The following PRPSAP1 variants were observed in gnomAD, a reference collection of about 807,000 sequenced individuals.
PRPSAP1 encodes phosphoribosyl pyrophosphate synthase-associated protein 1.
In PRPSAP1, 31 loss-of-function variants were observed where a neutral mutation model predicts 39.4. That is an observed-to-expected ratio of 0.79 (90% confidence interval 0.59 to 1.06). PRPSAP1 has a LOEUF of 1.06. PRPSAP1 is among the 50% of genes least tolerant of loss of function. The pLI is 0.00. For synonymous variants in PRPSAP1, 212 were observed against 192.6 expected (o/e 1.10, Z -0.83); for missense variants, 430 against 511.6 (o/e 0.84, Z 1.54).
chr17:76,350,883 T>C (rs1251466883), intron 1 of PRPSAP1, among the ~76,000 whole-genome samples: 1 of 151,176 alleles, frequency 6.6e-6, no homozygotes, highest in African/African-American at 2.4e-5. Flanking sequence ...AAACACAAAA[T>C]TAGCGGGGTG....
At chr17:76,313,991 T>TACAG in intron 7 of PRPSAP1, 100 bp from the exon 8 acceptor site, 1 of 1,272,506 alleles carries the variant, frequency 7.9e-7, no homozygotes, top group East Asian at 2.5e-5. Context: ...AAAACCACTA[T>TACAG]ACAGACAAAA....
At chr17:76,334,520 C>T (rs2071358688) in intron 3 of PRPSAP1, among the ~76,000 whole-genome samples, 1 of 152,146 alleles carries the variant, frequency 6.6e-6, no homozygotes, top group South Asian at 2.1e-4. Context: ...CAAAGACATC[C>T]TTTTATTCTG....
At chr17:76,349,037 G>A (rs563163412) in intron 1 of PRPSAP1, among the ~76,000 whole-genome samples, 11 of 152,218 alleles carry the variant, frequency 7.2e-5, no homozygotes, top group Admixed American at 2.6e-4. Flanking sequence ...TTGGCCAGGC[G>A]TGGTGGCTGA....
chr17:76,340,657 G>A (rs1243254234), intron 3 of PRPSAP1, among the ~76,000 whole-genome samples: 9 of 152,042 alleles, frequency 5.9e-5, no homozygotes, highest in East Asian at 1.9e-4. Flanking sequence ...TTGGGAGGCC[G>A]AGGCGGGCAG....
chr17:76,338,684 C>T (rs1225904537), intron 3 of PRPSAP1, among the ~76,000 whole-genome samples: 1 of 151,886 alleles, frequency 6.6e-6, no homozygotes, highest in Admixed American at 6.6e-5. Flanking sequence ...ACCTGGGCAA[C>T]ACAGCAAGAC....
rs2071057563 is a variant in PRPSAP1 at position 76,310,331 on chromosome 17, G to A, written c.*1211C>T. 6.6e-6 allele frequency: 1 copy of A among 150,830 alleles called. No homozygotes were observed. The highest frequency in any genetic ancestry group is 2.1e-4 in the South Asian group (1 of 4,780). The allele number at this position is 150,830 out of a possible 1,614,324, so 9.3% of individuals were successfully genotyped here. On this transcript the variant is annotated 3_prime_UTR_variant, in exon 10 of 10. Coordinates refer to ENST00000446526, the MANE Select transcript of PRPSAP1 (RefSeq NM_002766.3). ...TCTTTTTATGCTTTTAACTTAGCTA[G>A]GCTAATTTTTGTATTTTTAGTAGAG...
chr17:76,348,802 C>G (rs1370120061), intron 1 of PRPSAP1, among the ~76,000 whole-genome samples: 1 of 152,198 alleles, frequency 6.6e-6, no homozygotes, highest in Non-Finnish European at 1.5e-5. Flanking sequence ...GAGCTCACAA[C>G]CCATGGTTAA....
chr17:76,344,010 G>A (rs908126034), intron 3 of PRPSAP1, among the ~76,000 whole-genome samples: 1 of 152,088 alleles, frequency 6.6e-6, no homozygotes, highest in Non-Finnish European at 1.5e-5. Flanking sequence ...GAGTGCAGTG[G>A]CGCGATCTCA....
At chr17:76,313,991 T>C (rs2071095155) in intron 7 of PRPSAP1, 100 bp from the exon 8 acceptor site, 2 of 1,272,388 alleles carry the variant, frequency 1.6e-6, no homozygotes, top group African/African-American at 1.5e-5. Context: ...AAAACCACTA[T>C]ACAGACAAAA....
chr17:76,349,992 C>A (rs148759612), intron 1 of PRPSAP1, among the ~76,000 whole-genome samples: 3,458 of 150,604 alleles, frequency 0.023, 143 homozygotes, highest in African/African-American at 0.081. Flanking sequence ...AGCTGAGGCA[C>A]GAGAATCACT....
chr17:76,337,091 C>A lies in PRPSAP1; in HGVS notation c.291-4656G>T, dbSNP rs2071387222. Among the ~76,000 whole-genome samples the A allele has an allele frequency of 2.0e-5, 3 of 151,942 alleles. No individual in the cohort carries two copies. In the South Asian group the frequency reaches 6.2e-4, roughly 32 times the overall value. On this transcript the variant is annotated intron_variant, in intron 3 of 9. Coordinates refer to ENST00000446526, the MANE Select transcript of PRPSAP1 (RefSeq NM_002766.3). ...ATTGTTTTACCAACTACTTTTCTTT[C>A]TTTTTTTTAAATAGAGAAAGGTCTC...
At chr17:76,314,070 A>C in intron 7 of PRPSAP1, 179 bp from the exon 8 acceptor site, 1 of 616,042 alleles carries the variant, frequency 1.6e-6, no homozygotes, top group South Asian at 2.0e-5. Context: ...CATTGGCCAA[A>C]AGAAATAGAA....
intron 3 of PRPSAP1, among the ~76,000 whole-genome samples, chr17:76,333,560 T>C (rs1026083955): frequency 1.3e-5 from 2 of 151,558 alleles, no homozygotes; most frequent in African/African-American, 2.4e-5. Context: ...CAGGAGAATC[T>C]CTTGAACCTG....
At chr17:76,352,682 A>G (rs1399496392) in intron 1 of PRPSAP1, among the ~76,000 whole-genome samples, 2 of 148,180 alleles carry the variant, frequency 1.3e-5, no homozygotes, top group Non-Finnish European at 1.5e-5. Flanking sequence ...AGAAAAAGAA[A>G]AAGAAAAGAG....
intron 9 of PRPSAP1, 56 bp downstream of exon 9, chr17:76,312,814 T>G: frequency 6.4e-7 from 1 of 1,562,450 alleles, no homozygotes; most frequent in Non-Finnish European, 8.6e-7. Context: ...AATCATTTTA[T>G]TATTCCCAGA....
chr17:76,333,040 C>T (rs887438940), intron 3 of PRPSAP1, among the ~76,000 whole-genome samples: 1 of 151,916 alleles, frequency 6.6e-6, no homozygotes. Context: ...TACAGGCGCC[C>T]GCCACCTCGC....
intron 5 of PRPSAP1, 84 bp downstream of exon 5, chr17:76,330,467 T>C: frequency 9.7e-7 from 1 of 1,034,388 alleles, no homozygotes; most frequent in Non-Finnish European, 1.4e-6. Context: ...TTGATGTGCC[T>C]TCCAGTAACG....
chr17:76,340,145 C>CAA lies in PRPSAP1; in HGVS notation c.290+4524_290+4525dup, dbSNP rs71161288. On this transcript the variant is annotated intron_variant, in intron 3 of 9. Transcript: ENST00000446526. ...TGTGTGACAGAGCAAGGCCTTGTCT[C>CAA]AAAAAAAAAAAAAAAAAAAGAATAG... Among the ~76,000 whole-genome samples, 509 of 77,732 alleles carry CAA rather than the reference C, an allele frequency of 6.5e-3. 5 individuals carry two copies. The highest frequency in any genetic ancestry group is 0.016 in the African/African-American group (381 of 24,192). The allele number at this position is 77,732 out of a possible 152,430, so 51.0% of individuals were successfully genotyped here. A position where few individuals can be genotyped will look rare whatever the true frequency, so the allele number is the denominator to read the frequency against.
chr17:76,313,747 A>G (rs1167086771), intron 8 of PRPSAP1, 74 bp downstream of exon 8: 3 of 1,474,370 alleles, frequency 2.0e-6, no homozygotes, highest in Non-Finnish European at 2.8e-6. Context: ...CTAGAAATAC[A>G]GTCCCAGAGT....
Sources: allele counts gnomAD v4.1 joint callset (sites outside exome capture counted in the v4.1 genomes callset), GRCh38; gene constraint gnomAD v4.1.1; transcripts MANE v1.5; gene names NCBI Gene and HGNC (gene_info 2026-07-23, HGNC 2026-07-21).